TTC39B: variants seen among roughly 807,000 people sequenced by gnomAD.
TTC39B encodes tetratricopeptide repeat protein 39B.
Under a neutral mutation model 96.6 loss-of-function variants are expected in TTC39B, and 92 were observed. The ratio of observed to expected loss-of-function variants is 0.95; its 90% CI spans 0.80 to 1.13. TTC39B has a LOEUF of 1.13. Among genes scored for constraint, TTC39B ranks in the 50% most tolerant of loss-of-function variants. The probability of loss-of-function intolerance (pLI) is 0.00; values close to 1 mark genes in which losing one functional copy is unlikely to be tolerated. For missense variants in TTC39B, 955 were observed against 809.3 expected (o/e 1.18, Z -2.18); for synonymous variants, 367 against 299.4 (o/e 1.23, Z -2.33).
intron 1 of TTC39B, among the ~76,000 whole-genome samples, chr9:15,272,521 G>A (rs1823394085): frequency 6.6e-6 from 1 of 152,206 alleles, no homozygotes; most frequent in African/African-American, 2.4e-5. Flanking sequence ...AAAGGCAGCT[G>A]CATTTGCCTG....
At chr9:15,250,401 A>T (rs1822480835) in intron 2 of TTC39B, among the ~76,000 whole-genome samples, 1 of 152,138 alleles carries the variant, frequency 6.6e-6, no homozygotes, top group African/African-American at 2.4e-5. Flanking sequence ...CTATCTAAAA[A>T]GGGACAATTA....
chr9:15,243,865 T>C (rs534995505), intron 2 of TTC39B, among the ~76,000 whole-genome samples: 1 of 152,226 alleles, frequency 6.6e-6, no homozygotes, highest in African/African-American at 2.4e-5. Context: ...CACTGTGAAG[T>C]GCACAGGCTG....
At chr9:15,212,070 C>T (rs1020731732) in intron 4 of TTC39B, among the ~76,000 whole-genome samples, 5 of 152,192 alleles carry the variant, frequency 3.3e-5, no homozygotes, top group Non-Finnish European at 5.9e-5. Flanking sequence ...GCTATGAGAA[C>T]ATCATTTATT....
chr9:15,306,037 G>C lies in TTC39B; in HGVS notation c.240+1047C>G, dbSNP rs549795834. Reference sequence around the variant, plus strand: ...GTTTATTTTACGGAGCACATTTAAAGTATAGTCTTCCTTGTCAGGAGATTC... The same window carrying C: ...GTTTATTTTACGGAGCACATTTAAACTATAGTCTTCCTTGTCAGGAGATTC... On this transcript the variant is annotated intron_variant, in intron 1 of 19. Coordinates refer to ENST00000512701, the Ensembl canonical transcript of TTC39B. This position sits in a 1 kb window ranked among gnomAD's most constrained non-coding sequence, Gnocchi z 5.1. Among the ~76,000 whole-genome samples, 3 of 152,168 alleles carry C rather than the reference G, an allele frequency of 2.0e-5. No homozygotes were observed. Among genetic ancestry groups the C allele is most frequent in the South Asian group, 4.1e-4 (2 of 4,822 alleles).
chr9:15,212,125 A>G (rs944713072), intron 4 of TTC39B, among the ~76,000 whole-genome samples: 1 of 152,246 alleles, frequency 6.6e-6, no homozygotes, highest in African/African-American at 2.4e-5. Context: ...TAAGGTTTAA[A>G]ATGGTAATGC....
At chr9:15,188,468 C>T (rs149031171) in intron 13 of TTC39B, among the ~76,000 whole-genome samples, 106 of 152,206 alleles carry the variant, frequency 7.0e-4, no homozygotes, top group African/African-American at 2.5e-3. Context: ...TTACAGGCAA[C>T]AGACAGGAAG....
Position 15,274,273 on chromosome 9 carries a change from A to G in TTC39B, c.241-6325T>C, listed in dbSNP as rs770772651. Among the ~76,000 whole-genome samples, 13 of 152,202 alleles carry G rather than the reference A, an allele frequency of 8.5e-5. 1 individual carries two copies. Among genetic ancestry groups the G allele is most frequent in the Admixed American group, 3.3e-4 (5 of 15,270 alleles). On this transcript the variant is annotated intron_variant, in intron 1 of 19. Transcript: ENST00000512701. Reference sequence around the variant, plus strand: ...AGGAATAATTTTTCATTCTGCTCACATTTATCATCCAATTCTCTGTAATCT... The same window carrying G: ...AGGAATAATTTTTCATTCTGCTCACGTTTATCATCCAATTCTCTGTAATCT...
intron 5 of TTC39B, among the ~76,000 whole-genome samples, chr9:15,211,059 T>A (rs570492633): frequency 7.1e-6 from 1 of 140,992 alleles, no homozygotes; most frequent in Admixed American, 7.4e-5. Flanking sequence ...CCCCCAGATC[T>A]CTGTAGCTCA....
Position 15,306,791 on chromosome 9 carries a change from C to A in TTC39B, c.240+293G>T, listed in dbSNP as rs1025381686. Among the ~76,000 whole-genome samples the A allele has an allele frequency of 1.3e-5, 2 of 152,142 alleles. No homozygotes were observed. Among genetic ancestry groups the A allele is most frequent in the Admixed American group, 1.3e-4 (2 of 15,290 alleles). ...GAGCTGCGGGTCCTATGGTCCCGCGCCCTCACGCCCATCCAAGTGCTGGCA... is the reference window on the plus strand; with the variant it reads ...GAGCTGCGGGTCCTATGGTCCCGCGACCTCACGCCCATCCAAGTGCTGGCA... On this transcript the variant is annotated intron_variant, in intron 1 of 19. Transcript: ENST00000512701. This position sits in a 1 kb window ranked among gnomAD's most constrained non-coding sequence, Gnocchi z 5.1.
At chr9:15,202,749 A>G (rs944179705) in intron 7 of TTC39B, among the ~76,000 whole-genome samples, 2 of 150,620 alleles carry the variant, frequency 1.3e-5, no homozygotes, top group Non-Finnish European at 3.0e-5. Context: ...AAAAAAAAAG[A>G]TTGTGAGTGA....
At chr9:15,268,487 C>T (rs1306613233) in intron 1 of TTC39B, among the ~76,000 whole-genome samples, 1 of 152,130 alleles carries the variant, frequency 6.6e-6, no homozygotes, top group Non-Finnish European at 1.5e-5. Flanking sequence ...GAAACGCACA[C>T]AGTCATATGC....
intron 7 of TTC39B, among the ~76,000 whole-genome samples, chr9:15,200,816 T>A (rs983076998): frequency 2.6e-5 from 4 of 152,202 alleles, no homozygotes; most frequent in African/African-American, 9.6e-5. Flanking sequence ...CTGGCCAACA[T>A]GGTGAAACCC....
intron 18 of TTC39B, among the ~76,000 whole-genome samples, chr9:15,175,715 G>A (rs1407739679): frequency 1.3e-5 from 2 of 152,152 alleles, no homozygotes; most frequent in Non-Finnish European, 2.9e-5. Flanking sequence ...AAAACAGCTA[G>A]AATTGAAAAA....
chr9:15,209,776 C>A (rs969927297), intron 6 of TTC39B, among the ~76,000 whole-genome samples: 3 of 152,110 alleles, frequency 2.0e-5, no homozygotes, highest in Admixed American at 6.5e-5. Context: ...ATGTAACGAT[C>A]TGGGGAAGTG....
Position 15,191,237 on chromosome 9 carries a change from C to G in TTC39B, c.949G>C (p.Ala317Pro), listed in dbSNP as rs369656858. Residue 317 changes from alanine (A) to proline (P), a missense_variant, in exon 10 of 20, where the codon GCA (alanine) becomes CCA (proline). Coordinates refer to ENST00000512701, the Ensembl canonical transcript of TTC39B. The stretch of plus-strand genomic sequence containing the variant: ...AATTCTAGTAGTCTGATAATCCTTG[C>G]TGGTAAAAGGGACAGCATCTGTAAG... 1.9e-6 allele frequency: 3 copies of G among 1,610,014 alleles called. No homozygotes were observed. The African/African-American group carries it at 4.0e-5, about 22-fold the overall frequency.
In TTC39B at chr9:15,172,117, C is replaced by G. The variant is rs754365052; in HGVS notation, c.1959-8G>C. 167 of 1,604,908 alleles carry G rather than the reference C, an allele frequency of 1.0e-4. 3 individuals carry two copies. The highest frequency in any genetic ancestry group is 6.9e-4 in the South Asian group (62 of 90,456). ...TAATCTTTGTAGTTGTTCCTGAAGA[C>G]AATAACAATAAAATTGTACAGTCAA... On this transcript the variant is annotated splice_region_variant and splice_polypyrimidine_tract_variant and intron_variant, in intron 19 of 19. Coordinates refer to ENST00000512701, the Ensembl canonical transcript of TTC39B.
At position 15,199,940 on chromosome 9, in the gene TTC39B, G is replaced by C; in HGVS notation, c.760-15C>G. 1.3e-6 allele frequency: 2 copies of C among 1,495,932 alleles called. No homozygotes were observed. Among genetic ancestry groups the C allele is most frequent in the African/African-American group, 1.4e-5 (1 of 71,594 alleles). The allele number at this position is 1,495,932 out of a possible 1,614,324, so 92.7% of individuals were successfully genotyped here. On this transcript the variant is annotated splice_polypyrimidine_tract_variant and intron_variant, in intron 7 of 19. Transcript: ENST00000512701. ...ATATTTTCATCCTGAAAATAATTCAGTTAAAAAATTAGATTATTTAGCAAA... is the reference window on the plus strand; with the variant it reads ...ATATTTTCATCCTGAAAATAATTCACTTAAAAAATTAGATTATTTAGCAAA...
chr9:15,227,051 A>G (rs777699172), intron 2 of TTC39B, among the ~76,000 whole-genome samples: 5 of 152,118 alleles, frequency 3.3e-5, no homozygotes, highest in Non-Finnish European at 7.3e-5. Flanking sequence ...TCACGCCTGT[A>G]ATCTCAGCAC....
intron 2 of TTC39B, among the ~76,000 whole-genome samples, chr9:15,250,595 T>C (rs1193033934): frequency 3.3e-5 from 5 of 152,204 alleles, no homozygotes; most frequent in African/African-American, 1.2e-4. Context: ...TAAACACATA[T>C]ATGACATGAC....
Sources: gnomAD v4.1 joint callset for allele counts (sites outside exome capture counted in the v4.1 genomes callset) on GRCh38, gnomAD v4.1.1 for gene constraint, Gnocchi (gnomAD v3.1) non-coding constraint, MANE v1.5 for transcripts, NCBI Gene and HGNC (gene_info 2026-07-23, HGNC 2026-07-21) for gene names.